Variants in SCN7A observed in about 807,000 individuals in gnomAD.
SCN7A encodes the protein sodium channel protein type 7 subunit alpha.
A neutral mutation model predicts 155.2 loss-of-function variants in SCN7A; 138 were observed. The ratio of observed to expected loss-of-function variants is 0.89; its 90% CI spans 0.77 to 1.02. SCN7A has a LOEUF of 1.02. Ranked by LOEUF, SCN7A falls within the 50% of genes least tolerant of loss-of-function variation. The pLI, the probability that SCN7A is intolerant of heterozygous loss-of-function variation, is 0.00. For missense variants in SCN7A, 2,058 were observed against 1,986.6 expected (o/e 1.04, Z -0.68); for synonymous variants, 693 against 649.0 (o/e 1.07, Z -1.03).
At chr2:166,411,626 T>C (rs979386139) in intron 23 of SCN7A, among the ~76,000 whole-genome samples, 1 of 152,036 alleles carries the variant, frequency 6.6e-6, no homozygotes, top group Non-Finnish European at 1.5e-5. Context: ...TATGCTTGAT[T>C]TGCTGTTGTA....
intron 12 of SCN7A, among the ~76,000 whole-genome samples, chr2:166,447,104 T>C (rs986081587): frequency 9.9e-5 from 15 of 152,202 alleles, no homozygotes; most frequent in Admixed American, 1.3e-4. Context: ...ATTGTGTTCA[T>C]GCTTGGCTTA....
chr2:166,411,321 T>C, intron 23 of SCN7A, among the ~76,000 whole-genome samples: 1 of 152,084 alleles, frequency 6.6e-6, no homozygotes, highest in East Asian at 1.9e-4. Context: ...ATCATCCCTT[T>C]GTCCAGCACA....
intron 9 of SCN7A, among the ~76,000 whole-genome samples, chr2:166,464,907 A>G (rs577286767): frequency 1.8e-3 from 271 of 152,310 alleles, no homozygotes; most frequent in Non-Finnish European, 2.8e-3. Flanking sequence ...AAATCATTGA[A>G]TTAGTCTGCC....
chr2:166,450,488 T>TA (rs968575241), intron 11 of SCN7A, among the ~76,000 whole-genome samples: 6 of 151,124 alleles, frequency 4.0e-5, no homozygotes, highest in South Asian at 2.1e-4. Context: ...AAAAGAAATT[T>TA]AAAAAAAAAG....
Position 166,432,608 on chromosome 2 carries a change from A to G in SCN7A, c.2302T>C (p.Cys768Arg), listed in dbSNP as rs779672540. The part of the protein sequence containing the change: ...GINYVLLKIL[C>R]KTQNVPKDTM... ...TCCTTTGGGACATTTTGTGTTTTGC[A>G]TAGTATTTTAAGAAGCACATAGTTT... is the stretch of plus-strand genomic sequence containing the variant. Residue 768 changes from cysteine (C) to arginine (R), a missense_variant, in exon 16 of 26, where the codon TGC becomes CGC. Transcript: ENST00000643258. 5.6e-6 allele frequency: 9 copies of G among 1,612,822 alleles called. No individual in the cohort carries two copies. Among genetic ancestry groups the G allele is most frequent in the Admixed American group, 1.7e-5 (1 of 59,874 alleles).
At chr2:166,465,586 G>T in intron 8 of SCN7A, 55 bp from the exon 9 acceptor site, 2 of 1,366,546 alleles carry the variant, frequency 1.5e-6, no homozygotes, top group African/African-American at 1.4e-5. Context: ...TAGCACCACA[G>T]TAGAAGTCCA....
chr2:166,475,601 A>G (rs2105509826), intron 3 of SCN7A, among the ~76,000 whole-genome samples: 1 of 152,028 alleles, frequency 6.6e-6, no homozygotes, highest in African/African-American at 2.4e-5. Context: ...AAAAAGAGCC[A>G]AAGTAAATCT....
At chr2:166,476,749 T>C (rs894745754) in intron 3 of SCN7A, among the ~76,000 whole-genome samples, 4 of 152,056 alleles carry the variant, frequency 2.6e-5, no homozygotes, top group Non-Finnish European at 4.4e-5. Flanking sequence ...TTTCCAGTTA[T>C]AGCATCACTT....
intron 18 of SCN7A, among the ~76,000 whole-genome samples, chr2:166,426,062 T>C (rs542608131): frequency 3.3e-5 from 5 of 152,248 alleles, no homozygotes; most frequent in African/African-American, 9.6e-5. Flanking sequence ...GTAAGTTCTC[T>C]AGATGCTTTA....
At chr2:166,441,910 T>C (rs893531870) in intron 14 of SCN7A, among the ~76,000 whole-genome samples, 158 bp from the exon 15 acceptor site, 1 of 152,234 alleles carries the variant, frequency 6.6e-6, no homozygotes, top group Non-Finnish European at 1.5e-5. Context: ...AAATTCTTAA[T>C]ACATCTTAAA....
chr2:166,465,153 A>C (rs1253014852), intron 9 of SCN7A, among the ~76,000 whole-genome samples: 1 of 152,214 alleles, frequency 6.6e-6, no homozygotes, highest in African/African-American at 2.4e-5. Context: ...ATGTGAGGAC[A>C]CAGCAAAAAG....
chr2:166,459,487 C>G (rs1702355203), intron 10 of SCN7A, among the ~76,000 whole-genome samples: 1 of 152,032 alleles, frequency 6.6e-6, no homozygotes, highest in Non-Finnish European at 1.5e-5. Context: ...TTTCTGTACC[C>G]ACAGTATATC....
At position 166,465,179 on chromosome 2, in the gene SCN7A, C is replaced by T. The variant is rs371894721; in HGVS notation, c.941+283G>A. 7.2e-5 allele frequency among the ~76,000 whole-genome samples: 11 copies of T among 152,262 alleles called. No homozygotes were observed. The East Asian group carries it at 1.5e-3, about 21-fold the overall frequency. ...CAGCAAAAAGGTACCATCTATTGAC[C>T]AGAGGACAGGCCTTCACCAGACACC... is the stretch of plus-strand genomic sequence containing the variant. On this transcript the variant is annotated intron_variant, in intron 9 of 25. Coordinates refer to ENST00000643258, the MANE Select transcript of SCN7A (RefSeq NM_002976.4).
chr2:166,466,834 A>AT (rs1702544626), intron 7 of SCN7A, among the ~76,000 whole-genome samples: 1 of 151,894 alleles, frequency 6.6e-6, no homozygotes, highest in Non-Finnish European at 1.5e-5. Flanking sequence ...TAGTTTTATA[A>AT]TTTTTTTACA....
rs976327905 is a variant in SCN7A, at chr2:166,462,380, T to G, written c.1083+9A>C. 3.8e-6 allele frequency: 6 copies of G among 1,579,250 alleles called. No individual in the cohort carries two copies. The African/African-American group carries it at 8.1e-5, about 21-fold the overall frequency. On this transcript the variant is annotated intron_variant, in intron 10 of 25. Coordinates refer to ENST00000643258, the MANE Select transcript of SCN7A (RefSeq NM_002976.4). ...TCCTAAGTACAGTACAATTTCTCTC[T>G]GTTCTTACCTGGTGATAAAGTACTT... is the stretch of plus-strand genomic sequence containing the variant.
At chr2:166,418,498 T>C (rs1011927871) in intron 20 of SCN7A, among the ~76,000 whole-genome samples, 2 of 151,666 alleles carry the variant, frequency 1.3e-5, no homozygotes, top group African/African-American at 4.8e-5. Context: ...GAGGCACCAC[T>C]GATTCTGTTT....
chr2:166,463,289 T>C (rs1345288874), intron 9 of SCN7A, among the ~76,000 whole-genome samples: 7 of 152,212 alleles, frequency 4.6e-5, no homozygotes, highest in Admixed American at 4.6e-4. Context: ...ATTATTACAG[T>C]GGCAGTCCAG....
At chr2:166,436,290 C>T (rs1405419920) in intron 15 of SCN7A, 2 of 307,052 alleles carry the variant, frequency 6.5e-6, no homozygotes, top group Non-Finnish European at 1.4e-5. Context: ...ATGCTGTTCT[C>T]ATGGTAGTGA....
intron 7 of SCN7A, among the ~76,000 whole-genome samples, chr2:166,467,765 G>C (rs1355913667): frequency 6.6e-6 from 1 of 151,404 alleles, no homozygotes; most frequent in African/African-American, 2.4e-5. Context: ...GTTTTGCTTA[G>C]CTTAAGTAAG....
Sources: gnomAD v4.1 joint callset for allele counts (sites outside exome capture counted in the v4.1 genomes callset) on GRCh38, gnomAD v4.1.1 for gene constraint, MANE v1.5 for transcripts, NCBI Gene and HGNC (gene_info 2026-07-23, HGNC 2026-07-21) for gene names.